TMEM132C: variants seen among roughly 807,000 people sequenced by gnomAD.
TMEM132C encodes the protein transmembrane protein 132C.
A neutral mutation model predicts 61.4 loss-of-function variants in TMEM132C; 29 were observed. The observed-to-expected ratio is 0.47, with a 90% CI of 0.35 to 0.64. TMEM132C has a LOEUF of 0.64. TMEM132C is among the 30% of genes least tolerant of loss of function. The probability of loss-of-function intolerance (pLI) is 0.00; values close to 1 mark genes in which losing one functional copy is unlikely to be tolerated. For missense variants in TMEM132C, 1,408 were observed against 1,476.9 expected (o/e 0.95, Z 0.76); for synonymous variants, 656 against 633.1 (o/e 1.04, Z -0.54).
rs550280729 is a variant in TMEM132C, at chr12:128,387,696, G to A, written c.86-27036G>A. Among the ~76,000 whole-genome samples, 80 of 152,126 alleles carry A rather than the reference G, an allele frequency of 5.3e-4. 1 individual carries two copies. The highest frequency in any genetic ancestry group is 9.2e-4 in the Admixed American group (14 of 15,284). On this transcript the variant is annotated intron_variant, in intron 1 of 8. Coordinates refer to ENST00000435159, the MANE Select transcript of TMEM132C (RefSeq NM_001136103.3). ...ATGGTGGTGGGGGCCTGTAATCTCAGCTACTGTGGAGGCCGAGGCAGGAGA... is the reference window on the plus strand; with the variant it reads ...ATGGTGGTGGGGGCCTGTAATCTCAACTACTGTGGAGGCCGAGGCAGGAGA...
rs746559817 is a variant in TMEM132C, at chr12:128,415,055, C to T, written c.409C>T (p.Arg137Trp). 58 of 1,590,068 alleles carry T rather than the reference C, an allele frequency of 3.6e-5. No individual in the cohort carries two copies. Among genetic ancestry groups the T allele is most frequent in the Non-Finnish European group, 3.9e-5 (46 of 1,167,976 alleles). ...TTGGAAACTAAAAGCCCACATCCTGCGGGACAAAGTCTACCTGAGCCGGCC... is the reference window on the plus strand; with the variant it reads ...TTGGAAACTAAAAGCCCACATCCTGTGGGACAAAGTCTACCTGAGCCGGCC... Reference protein sequence around the residue: ...FDWKLKAHILRDKVYLSRPKV... With the variant: ...FDWKLKAHILWDKVYLSRPKV... The change falls in exon 2 of 9, where the codon CGG becomes TGG. Residue 137 changes from arginine to tryptophan, a missense_variant. Arg to Trp is a moderately radical substitution (Grantham distance 101). Coordinates refer to ENST00000435159, the MANE Select transcript of TMEM132C (RefSeq NM_001136103.3). This position sits in a 1 kb window ranked among gnomAD's most constrained non-coding sequence, Gnocchi z 5.8.
intron 3 of TMEM132C, among the ~76,000 whole-genome samples, chr12:128,572,068 G>C (rs755621239): frequency 6.6e-6 from 1 of 151,768 alleles, no homozygotes; most frequent in Non-Finnish European, 1.5e-5. Flanking sequence ...GCTAGTCTCT[G>C]ATTGGCCAGG....
intron 3 of TMEM132C, among the ~76,000 whole-genome samples, chr12:128,573,423 C>A (rs1172178169): frequency 6.7e-6 from 1 of 149,636 alleles, no homozygotes; most frequent in Admixed American, 6.6e-5. Flanking sequence ...GGACATAGGA[C>A]GGGGAACATC....
intron 1 of TMEM132C, among the ~76,000 whole-genome samples, chr12:128,387,360 T>C (rs1226819447): frequency 1.3e-5 from 2 of 152,150 alleles, no homozygotes; most frequent in African/African-American, 4.8e-5. Flanking sequence ...ATGCCTCTGG[T>C]TGGCTGTCCA....
intron 2 of TMEM132C, among the ~76,000 whole-genome samples, chr12:128,519,344 C>G (rs1872822374): frequency 6.6e-6 from 1 of 152,200 alleles, no homozygotes; most frequent in Middle Eastern, 3.2e-3. Flanking sequence ...TATTCCAAGA[C>G]AGCAAGTGTA....
chr12:128,531,915 T>C (rs1873324066), intron 2 of TMEM132C, among the ~76,000 whole-genome samples: 1 of 152,206 alleles, frequency 6.6e-6, no homozygotes, highest in South Asian at 2.1e-4. Flanking sequence ...ACAAGGCTCC[T>C]GGTGGCAGAC....
At chr12:128,600,244 A>G (rs1876134543) in intron 3 of TMEM132C, among the ~76,000 whole-genome samples, 1 of 152,062 alleles carries the variant, frequency 6.6e-6, no homozygotes, top group African/African-American at 2.4e-5. Flanking sequence ...GGCCTCCCAA[A>G]GTGCTGGTAT....
chr12:128,517,891 G>A (rs1405659637), intron 2 of TMEM132C, among the ~76,000 whole-genome samples: 1 of 152,138 alleles, frequency 6.6e-6, no homozygotes, highest in Non-Finnish European at 1.5e-5. Context: ...GGGGAGGAAG[G>A]CCTCAGACAG....
rs900730249 is a variant in TMEM132C at position 128,350,272 on chromosome 12, G to A, written c.86-64460G>A. 3.0e-4 allele frequency among the ~76,000 whole-genome samples: 45 copies of A among 152,122 alleles called. 1 individual carries two copies. The highest frequency in any genetic ancestry group is 9.4e-4 in the African/African-American group (39 of 41,420). On this transcript the variant is annotated intron_variant, in intron 1 of 8. Transcript: ENST00000435159. ...AGCCAGAAATCCCTGCTGCTTTTGC[G>A]TTGAGGTGGGAGTTTGGGTGCGGGA...
chr12:128,476,736 C>G (rs559103049), intron 2 of TMEM132C, among the ~76,000 whole-genome samples: 2 of 152,330 alleles, frequency 1.3e-5, no homozygotes, highest in African/African-American at 4.8e-5. Context: ...TTGGGCCTCA[C>G]CCCCTGGCCA....
Position 128,279,909 on chromosome 12 carries a change from G to A in TMEM132C, c.85+12422G>A, listed in dbSNP as rs1870835822. 2.0e-5 allele frequency among the ~76,000 whole-genome samples: 3 copies of A among 152,172 alleles called. No individual in the cohort carries two copies. The South Asian group carries it at 6.2e-4, about 32-fold the overall frequency. The stretch of plus-strand genomic sequence containing the variant: ...AGAAATTTCAGCCTATTGTTTCATG[G>A]TTGTATTTATCTATTTTGCTGATGG... On this transcript the variant is annotated intron_variant, in intron 1 of 8. Coordinates refer to ENST00000435159, the MANE Select transcript of TMEM132C (RefSeq NM_001136103.3).
At position 128,706,784 on chromosome 12, in the gene TMEM132C, GA is replaced by G; in HGVS notation, c.*490del. On this transcript the variant is annotated 3_prime_UTR_variant, in exon 9 of 9. Transcript: ENST00000435159. ...CAACTGTCACCACACAGCTGGGGGG[GA>G]GTCATTTCTTAACAAGGGATGCCTC... 1 of 152,910 alleles carries G rather than the reference GA, an allele frequency of 6.5e-6. No individual in the cohort carries two copies. 9.5% of individuals were successfully genotyped at this position (152,910 alleles called of 1,614,324 possible). A position where few individuals can be genotyped will look rare whatever the true frequency, so the allele number is the denominator to read the frequency against.
At chr12:128,512,549 A>G (rs1044776820) in intron 2 of TMEM132C, among the ~76,000 whole-genome samples, 1 of 152,218 alleles carries the variant, frequency 6.6e-6, no homozygotes, top group Admixed American at 6.5e-5. Flanking sequence ...TATTAAAAAG[A>G]ATGCTTCCAA....
At chr12:128,511,634 T>C (rs1248012829) in intron 2 of TMEM132C, among the ~76,000 whole-genome samples, 2 of 152,172 alleles carry the variant, frequency 1.3e-5, no homozygotes, top group Non-Finnish European at 2.9e-5. Context: ...CCTGGAGCAT[T>C]ACAACGAGAT....
At chr12:128,384,775 A>G (rs1874522753) in intron 1 of TMEM132C, among the ~76,000 whole-genome samples, 1 of 152,214 alleles carries the variant, frequency 6.6e-6, no homozygotes, top group African/African-American at 2.4e-5. Context: ...AGGCTGGCTT[A>G]GTGAGGGGAC....
At position 128,350,773 on chromosome 12, in the gene TMEM132C, G is replaced by A. The variant is rs549132174; in HGVS notation, c.86-63959G>A. ...TGAGCGCTCGACCACCCAGAATAAC[G>A]ACTGCCCTTTCCAGCCTCCTTTGCA... On this transcript the variant is annotated intron_variant, in intron 1 of 8. Coordinates refer to ENST00000435159, the MANE Select transcript of TMEM132C (RefSeq NM_001136103.3). 9.2e-5 allele frequency among the ~76,000 whole-genome samples: 14 copies of A among 151,938 alleles called. No homozygotes were observed. The South Asian group carries it at 1.0e-3, about 11-fold the overall frequency.
chr12:128,479,380 AG>A (rs1871252914), intron 2 of TMEM132C, among the ~76,000 whole-genome samples: 1 of 152,188 alleles, frequency 6.6e-6, no homozygotes, highest in South Asian at 2.1e-4. Flanking sequence ...AAAAAAGAGT[AG>A]GGGTTGGCAA....
intron 4 of TMEM132C, among the ~76,000 whole-genome samples, chr12:128,661,676 T>C (rs529597879): frequency 6.5e-4 from 99 of 152,056 alleles, no homozygotes; most frequent in Middle Eastern, 3.2e-3. Context: ...AAGTAAAATA[T>C]AGAAAAGGCA....
At position 128,323,395 on chromosome 12, in the gene TMEM132C, C is replaced by T. The variant is rs77121777; in HGVS notation, c.85+55908C>T. Among the ~76,000 whole-genome samples the T allele has an allele frequency of 5.3e-5, 8 of 152,280 alleles. No homozygotes were observed. The South Asian group carries it at 8.3e-4, about 16-fold the overall frequency. Reference sequence around the variant, plus strand: ...TAAAAGGAGAGATTGTCAGGCGTGACGAAGCAGGAATTTTAGCCGAAGAAT... The same window carrying T: ...TAAAAGGAGAGATTGTCAGGCGTGATGAAGCAGGAATTTTAGCCGAAGAAT... On this transcript the variant is annotated intron_variant, in intron 1 of 8. Transcript: ENST00000435159.
Sources: allele counts gnomAD v4.1 joint callset (sites outside exome capture counted in the v4.1 genomes callset), GRCh38; gene constraint gnomAD v4.1.1; non-coding constraint Gnocchi (gnomAD v3.1); transcripts MANE v1.5; gene names NCBI Gene and HGNC (gene_info 2026-07-23, HGNC 2026-07-21).